Variants in MSRA observed in about 807,000 individuals in gnomAD.
MSRA encodes mitochondrial peptide methionine sulfoxide reductase.
A neutral mutation model predicts 31.3 loss-of-function variants in MSRA; 54 were observed. That is an observed-to-expected ratio of 1.73 (90% confidence interval 1.39 to 2.17). MSRA has a LOEUF of 2.17. MSRA is among the 30% of genes most tolerant of loss of function. MSRA has a pLI of 0.00. For missense variants in MSRA, 507 were observed against 300.9 expected (o/e 1.69, Z -5.07); for synonymous variants, 169 against 116.5 (o/e 1.45, Z -2.90).
At chr8:10,133,380 T>C (rs963292164) in intron 1 of MSRA, among the ~76,000 whole-genome samples, 1 of 152,106 alleles carries the variant, frequency 6.6e-6, no homozygotes, top group Non-Finnish European at 1.5e-5. Flanking sequence ...GTCAGGAAGG[T>C]TGTTGGTTCA....
intron 1 of MSRA, among the ~76,000 whole-genome samples, chr8:10,180,992 G>A (rs186725623): frequency 8.8e-4 from 134 of 152,134 alleles, no homozygotes; most frequent in African/African-American, 3.0e-3. Context: ...GCTAGTCTTC[G>A]TCTCTGGACT....
chr8:10,207,053 A>T (rs1439733177), intron 1 of MSRA, among the ~76,000 whole-genome samples: 1 of 152,204 alleles, frequency 6.6e-6, no homozygotes, highest in Non-Finnish European at 1.5e-5. Context: ...AAGTGCTCCT[A>T]TTCAAAACCT....
chr8:10,179,826 C>T (rs532998253), intron 1 of MSRA, among the ~76,000 whole-genome samples: 9 of 152,258 alleles, frequency 5.9e-5, no homozygotes, highest in South Asian at 4.2e-4. Context: ...TGATACCTTC[C>T]GATGCCTTCC....
At chr8:10,232,735 G>C (rs573873560) in intron 2 of MSRA, among the ~76,000 whole-genome samples, 2 of 152,152 alleles carry the variant, frequency 1.3e-5, no homozygotes, top group Non-Finnish European at 2.9e-5. Flanking sequence ...CATGAGTAAT[G>C]ACAGATTAAA....
At chr8:10,089,242 C>T (rs1338654323) in intron 1 of MSRA, among the ~76,000 whole-genome samples, 1 of 152,162 alleles carries the variant, frequency 6.6e-6, no homozygotes, top group African/African-American at 2.4e-5. Flanking sequence ...CGTATCATCA[C>T]GTTGTCAAAC....
intron 1 of MSRA, among the ~76,000 whole-genome samples, chr8:10,181,094 C>T (rs559485173): frequency 8.5e-5 from 13 of 152,298 alleles, no homozygotes; most frequent in South Asian, 4.1e-4. Context: ...GAGAAAAATT[C>T]GTCTACAGCT....
chr8:10,220,100 C>A (rs1810364717), intron 2 of MSRA, among the ~76,000 whole-genome samples: 2 of 152,142 alleles, frequency 1.3e-5, no homozygotes. Context: ...TCCCTACATT[C>A]TTATGTACAG....
At chr8:10,184,966 A>T (rs1042133528) in intron 1 of MSRA, among the ~76,000 whole-genome samples, 1 of 152,240 alleles carries the variant, frequency 6.6e-6, no homozygotes, top group Non-Finnish European at 1.5e-5. Context: ...ACATGAGAAT[A>T]AACAGTTTGC....
intron 2 of MSRA, among the ~76,000 whole-genome samples, chr8:10,244,742 G>C (rs1797524702): frequency 6.6e-6 from 1 of 152,118 alleles, no homozygotes. Flanking sequence ...CCAGGGAGTG[G>C]ATCATTCAGT....
intron 3 of MSRA, among the ~76,000 whole-genome samples, chr8:10,290,843 A>G (rs1186811673): frequency 6.6e-6 from 1 of 152,216 alleles, no homozygotes; most frequent in African/African-American, 2.4e-5. Flanking sequence ...TCTTGGCTGC[A>G]GGGATACCAT....
At chr8:10,229,969 G>A (rs971501192) in intron 2 of MSRA, among the ~76,000 whole-genome samples, 8 of 152,134 alleles carry the variant, frequency 5.3e-5, no homozygotes, top group African/African-American at 1.9e-4. Flanking sequence ...CCATAAACTG[G>A]CATTCTTCTT....
At chr8:10,059,115 AGTG>A (rs1802558534) in intron 1 of MSRA, 1 of 152,248 alleles carries the variant, frequency 6.6e-6, no homozygotes, top group African/African-American at 2.4e-5. Context: ...ATCTCAAGTC[AGTG>A]GGGAAAAGGT....
chr8:10,151,856 G>T (rs1228374115), intron 1 of MSRA, among the ~76,000 whole-genome samples: 10 of 152,196 alleles, frequency 6.6e-5, no homozygotes, highest in Admixed American at 6.5e-4. Flanking sequence ...CCACCCTTTA[G>T]TAAAGGCCAA....
intron 5 of MSRA, among the ~76,000 whole-genome samples, chr8:10,343,046 C>G (rs980350655): frequency 5.2e-4 from 52 of 100,760 alleles, no homozygotes; most frequent in African/African-American, 1.7e-3. Context: ...CACACACACA[C>G]ACACACAGAC....
intron 1 of MSRA, among the ~76,000 whole-genome samples, chr8:10,059,685 T>C (rs1414012947): frequency 6.6e-6 from 1 of 152,140 alleles, no homozygotes; most frequent in African/African-American, 2.4e-5. Context: ...ATGGCAAAAA[T>C]CATCATAAGC....
chr8:10,254,503 T>TATTA (rs1798076161), intron 3 of MSRA, among the ~76,000 whole-genome samples: 1 of 152,210 alleles, frequency 6.6e-6, no homozygotes, highest in African/African-American at 2.4e-5. Context: ...TCTCAATGGG[T>TATTA]ATTACAATAG....
intron 1 of MSRA, among the ~76,000 whole-genome samples, chr8:10,161,661 A>G (rs1804657154): frequency 6.6e-6 from 1 of 152,090 alleles, no homozygotes; most frequent in South Asian, 2.1e-4. Flanking sequence ...GAACGTGGTG[A>G]GCTGGAGAGA....
intron 1 of MSRA, among the ~76,000 whole-genome samples, chr8:10,074,473 A>G (rs1462422211): frequency 6.6e-6 from 1 of 152,160 alleles, no homozygotes; most frequent in Non-Finnish European, 1.5e-5. Context: ...TCTCTAAGTT[A>G]GGAAATAAGT....
chr8:10,400,790 A>C (rs1199998436), intron 5 of MSRA, among the ~76,000 whole-genome samples: 2 of 152,240 alleles, frequency 1.3e-5, no homozygotes, highest in Admixed American at 6.5e-5. Context: ...TGGTGCTGGG[A>C]CAACTGGATC....
Sources: gnomAD v4.1 joint callset for allele counts (sites outside exome capture counted in the v4.1 genomes callset) on GRCh38, gnomAD v4.1.1 for gene constraint, MANE v1.5 for transcripts, NCBI Gene and HGNC (gene_info 2026-07-23, HGNC 2026-07-21) for gene names.